The following ST3GAL6 variants were observed in gnomAD, a reference collection of about 807,000 sequenced individuals.
The protein encoded by ST3GAL6 is ST3 beta-galactoside alpha-2,3-sialyltransferase 6, also known as type 2 lactosamine alpha-2,3-sialyltransferase.
In ST3GAL6, 31 loss-of-function variants were observed where a neutral mutation model predicts 40.5. The observed-to-expected ratio is 0.77, with a 90% confidence interval of 0.58 to 1.03. The LOEUF (loss-of-function observed/expected upper bound fraction) is 1.03, where lower values mean the gene tolerates loss of function less well. Among genes scored for constraint, ST3GAL6 ranks in the 50% least tolerant of loss-of-function variants. ST3GAL6 has a pLI of 0.00. For missense variants in ST3GAL6, 357 were observed against 393.2 expected (o/e 0.91, Z 0.78); for synonymous variants, 129 against 136.9 (o/e 0.94, Z 0.40).
chr3:98,781,086 C>T (rs191924784), intron 5 of ST3GAL6, among the ~76,000 whole-genome samples: 1 of 152,268 alleles, frequency 6.6e-6, no homozygotes, highest in East Asian at 1.9e-4. Context: ...CCCAAATGCC[C>T]ATCAATGATA....
intron 5 of ST3GAL6, among the ~76,000 whole-genome samples, chr3:98,778,267 A>G (rs1319332741): frequency 1.3e-5 from 2 of 152,256 alleles, no homozygotes; most frequent in Non-Finnish European, 2.9e-5. Context: ...CTCAAGCAGC[A>G]TCCATTATGT....
chr3:98,789,080 T>C (rs1940992599), intron 8 of ST3GAL6, among the ~76,000 whole-genome samples: 1 of 152,182 alleles, frequency 6.6e-6, no homozygotes, highest in Non-Finnish European at 1.5e-5. Flanking sequence ...AAAACAATAC[T>C]CTAGACCCAT....
At chr3:98,762,171 T>A (rs1937860300), upstream of ST3GAL6, among the ~76,000 whole-genome samples, 1 of 152,206 alleles carries the variant, frequency 6.6e-6, no homozygotes, top group Non-Finnish European at 1.5e-5. Context: ...CAGCTTCATA[T>A]CATTGTATTA....
Position 98,793,686 on chromosome 3 carries a change from C to G in ST3GAL6, c.921C>G (p.His307Gln). 6.3e-7 allele frequency: 1 copy of G among 1,587,280 alleles called. No individual in the cohort carries two copies. Among genetic ancestry groups the G allele is most frequent in the African/African-American group, 1.4e-5 (1 of 73,862 alleles). Residue 307 changes from histidine to glutamine, a missense_variant, in exon 10 of 10, where the codon CAC (histidine) becomes CAG (glutamine). Coordinates refer to ENST00000483910, the MANE Select transcript of ST3GAL6 (RefSeq NM_001323368.2). ...TMSLMNKNAY[H>Q]NVTAEQLFLK... ...TTTTTCTTCTTTAGAACGCGTATCA[C>G]AATGTGACTGCAGAGCAGCTCTTTT...
intron 1 of ST3GAL6, among the ~76,000 whole-genome samples, chr3:98,737,421 C>CT (rs1371646105): frequency 6.6e-6 from 1 of 152,098 alleles, no homozygotes; most frequent in Non-Finnish European, 1.5e-5. Context: ...CCTTAGTTGC[C>CT]TTTTTTTCTT....
intron 5 of ST3GAL6, chr3:98,782,871 C>A: frequency 2.2e-6 from 1 of 463,400 alleles, no homozygotes. Flanking sequence ...ATCCTGGAGT[C>A]TGAGATAAAA....
intron 1 of ST3GAL6, among the ~76,000 whole-genome samples, chr3:98,739,845 C>A (rs1935911979): frequency 6.6e-6 from 1 of 152,010 alleles, no homozygotes. Context: ...GATAGATAAT[C>A]CAGGCATTCA....
At chr3:98,786,693 TTG>T (rs1940749431) in intron 6 of ST3GAL6, among the ~76,000 whole-genome samples, 2 of 151,780 alleles carry the variant, frequency 1.3e-5, no homozygotes, top group African/African-American at 4.8e-5. Flanking sequence ...GGTTTTTTTT[TTG>T]TTTGTTTTCT....
intron 1 of ST3GAL6, among the ~76,000 whole-genome samples, chr3:98,752,692 C>T (rs1324393149): frequency 6.6e-6 from 1 of 152,094 alleles, no homozygotes; most frequent in Non-Finnish European, 1.5e-5. Flanking sequence ...AGGATGGTCT[C>T]GATCTCCTGA....
intron 1 of ST3GAL6, among the ~76,000 whole-genome samples, chr3:98,750,314 A>G (rs138537518): frequency 6.6e-5 from 10 of 152,350 alleles, no homozygotes; most frequent in African/African-American, 2.4e-4. Flanking sequence ...CCTTGGGGGT[A>G]TAGGATATAA....
chr3:98,753,512 A>G (rs1576052346), intron 1 of ST3GAL6, among the ~76,000 whole-genome samples: 1 of 152,232 alleles, frequency 6.6e-6, no homozygotes, highest in East Asian at 1.9e-4. Context: ...GTGGAAGAAG[A>G]TGGCTTCTGG....
At chr3:98,732,521 C>G (rs952810542) in exon 1 of ST3GAL6, 1 of 235,092 alleles carries the variant, frequency 4.3e-6, no homozygotes, top group African/African-American at 2.2e-5. Context: ...TGGTGTCCGC[C>G]CCGCCCGAAA....
chr3:98,749,403 G>T (rs1019381632), intron 1 of ST3GAL6, among the ~76,000 whole-genome samples: 6 of 152,130 alleles, frequency 3.9e-5, no homozygotes, highest in African/African-American at 9.7e-5. Context: ...ATTTTCATTT[G>T]CTGTGGAGAG....
Position 98,763,405 on chromosome 3 carries a change from A to C in ST3GAL6, c.-46A>C. The C allele has an allele frequency of 7.8e-7, 1 of 1,289,824 alleles. No individual in the cohort carries two copies. The highest frequency in any genetic ancestry group is 1.2e-5 in the South Asian group (1 of 81,034). The allele number at this position is 1,289,824 out of a possible 1,614,324, so 79.9% of individuals were successfully genotyped here. ...GCCTGTCCAGGGGCTGAATGGACAC[A>C]GGTGTCAGCAGGGCCACCTGGTAAA... On this transcript the variant is annotated 5_prime_UTR_variant, in exon 1 of 10. Coordinates refer to ENST00000483910, the MANE Select transcript of ST3GAL6 (RefSeq NM_001323368.2).
chr3:98,783,389 C>G (rs1364135633), intron 5 of ST3GAL6: 1 of 192,498 alleles, frequency 5.2e-6, no homozygotes, highest in African/African-American at 2.4e-5. Flanking sequence ...CTGTGTGGTG[C>G]CCGCCCACTT....
intron 5 of ST3GAL6, among the ~76,000 whole-genome samples, chr3:98,780,956 A>G (rs995983907): frequency 6.6e-6 from 1 of 152,210 alleles, no homozygotes; most frequent in Non-Finnish European, 1.5e-5. Flanking sequence ...ATTACTGGGT[A>G]TATACCCAAA....
intron 9 of ST3GAL6, among the ~76,000 whole-genome samples, chr3:98,792,501 T>C (rs934264078): frequency 2.0e-5 from 3 of 150,238 alleles, no homozygotes; most frequent in Non-Finnish European, 4.4e-5. Flanking sequence ...TTTTTAACAA[T>C]TTTAGTTTAA....
chr3:98,771,112 T>G, intron 3 of ST3GAL6, 156 bp downstream of exon 3: 1 of 1,518,330 alleles, frequency 6.6e-7, no homozygotes. Flanking sequence ...TCTCTTTTTG[T>G]GCTTTTAGTC....
intron 3 of ST3GAL6, among the ~76,000 whole-genome samples, chr3:98,771,988 C>T (rs902469038): frequency 2.6e-5 from 4 of 152,046 alleles, no homozygotes; most frequent in Non-Finnish European, 4.4e-5. Context: ...AGATGCCGAT[C>T]GTGACTCACA....
Sources: allele counts gnomAD v4.1 joint callset (sites outside exome capture counted in the v4.1 genomes callset), GRCh38; gene constraint gnomAD v4.1.1; transcripts MANE v1.5; gene names NCBI Gene and HGNC (gene_info 2026-07-23, HGNC 2026-07-21).